MYO10: variants seen among roughly 807,000 people sequenced by gnomAD.
MYO10 encodes the protein myosin X.
A neutral mutation model predicts 257.3 loss-of-function variants in MYO10; 133 were observed. The ratio of observed to expected loss-of-function variants is 0.52; its 90% CI spans 0.45 to 0.60. The LOEUF is 0.60. MYO10 is among the 20% of genes least tolerant of loss of function. The probability of loss-of-function intolerance (pLI) is 0.00; values close to 1 mark genes in which losing one functional copy is unlikely to be tolerated. For synonymous variants in MYO10, 1,104 were observed against 1,028.6 expected (o/e 1.07, Z -1.40); for missense variants, 2,399 against 2,635.7 (o/e 0.91, Z 1.97).
chr5:16,726,149 C>T (rs1210964293), intron 19 of MYO10, among the ~76,000 whole-genome samples: 1 of 152,184 alleles, frequency 6.6e-6, no homozygotes, highest in African/African-American at 2.4e-5. Context: ...AGTGCAGTAG[C>T]ACATCTGCTG....
Position 16,673,664 on chromosome 5 carries a change from G to T in MYO10, c.5172+18C>A. ...GCAAAGGCATCTAACAGAACAAGCA[G>T]CAGCTGCCTCTCCTCACCTCCCCAG... On this transcript the variant is annotated intron_variant, in intron 36 of 40. Transcript: ENST00000513610. 1 of 1,607,280 alleles carries T rather than the reference G, an allele frequency of 6.2e-7. No homozygotes were observed. Among genetic ancestry groups the T allele is most frequent in the Non-Finnish European group, 8.5e-7 (1 of 1,176,276 alleles).
intron 33 of MYO10, 136 bp downstream of exon 33, chr5:16,679,811 C>T: frequency 1.7e-6 from 2 of 1,193,054 alleles, no homozygotes; most frequent in Non-Finnish European, 1.1e-6. Context: ...AGGCGTGAGC[C>T]ACCGTGCCGG....
In MYO10 at chr5:16,679,987, G is replaced by C. The variant is rs1369539897; in HGVS notation, c.4502C>G (p.Pro1501Arg). The change falls in exon 33 of 41, where the codon CCG becomes CGG. Residue 1501 changes from proline to arginine, a missense_variant. By Grantham distance (103) the Pro-to-Arg change is moderately radical. This residue lies in a region of MYO10 where 1,820 missense variants were observed against 1,939.4 expected (regional missense o/e 0.94). Coordinates refer to ENST00000513610, the MANE Select transcript of MYO10 (RefSeq NM_012334.3). ...AIQNVTDTKA[P>R]IDTPTQQLIQ... is the part of the protein sequence containing the mutation. ...CAGCTGCTGGGTGGGGGTGTCGATC[G>C]GGGCCTTGGTGTCAGTCACGTTTTG... The C allele has an allele frequency of 1.2e-6, 2 of 1,613,680 alleles. No individual in the cohort carries two copies. Among genetic ancestry groups the C allele is most frequent in the African/African-American group, 1.3e-5 (1 of 74,890 alleles).
In MYO10 at chr5:16,778,042, G is replaced by A. The variant is rs1170088734; in HGVS notation, c.930+1503C>T. Among the ~76,000 whole-genome samples the A allele has an allele frequency of 3.3e-5, 5 of 151,814 alleles. No homozygotes were observed. The South Asian group carries it at 6.3e-4, about 19-fold the overall frequency. On this transcript the variant is annotated intron_variant, in intron 9 of 40. Coordinates refer to ENST00000513610, the MANE Select transcript of MYO10 (RefSeq NM_012334.3). Reference sequence around the variant, plus strand: ...TTTTTGTGTGTTTTTAGCAGTGACGGGGTTTCACTATGTTGGCCAGGCTGG... The same window carrying A: ...TTTTTGTGTGTTTTTAGCAGTGACGAGGTTTCACTATGTTGGCCAGGCTGG...
At chr5:16,858,902 G>A (rs1744037223) in intron 2 of MYO10, among the ~76,000 whole-genome samples, 1 of 152,160 alleles carries the variant, frequency 6.6e-6, no homozygotes, top group South Asian at 2.1e-4. Flanking sequence ...AGGTGGCAGT[G>A]AGCCGAGAGT....
At chr5:16,761,196 G>A (rs1740703706) in intron 17 of MYO10, among the ~76,000 whole-genome samples, 4 of 152,106 alleles carry the variant, frequency 2.6e-5, no homozygotes, top group South Asian at 2.1e-4. Context: ...TCACTATGTT[G>A]GCCAGGCTGG....
chr5:16,699,635 C>A, intron 25 of MYO10, 62 bp from the exon 26 acceptor site: 1 of 1,601,578 alleles, frequency 6.2e-7, no homozygotes, highest in South Asian at 1.1e-5. Flanking sequence ...CACGAAGATA[C>A]CCAGCATGTA....
intron 13 of MYO10, 47 bp downstream of exon 13, chr5:16,763,608 T>C (rs367556175): frequency 2.0e-5 from 32 of 1,582,150 alleles, no homozygotes; most frequent in Non-Finnish European, 2.8e-5. Flanking sequence ...CGAATCTAGT[T>C]GCTGCTTTAA....
At chr5:16,905,811 C>T (rs184167841) in intron 1 of MYO10, among the ~76,000 whole-genome samples, 2 of 152,254 alleles carry the variant, frequency 1.3e-5, no homozygotes, top group East Asian at 3.9e-4. Flanking sequence ...TGGGTAGCGT[C>T]TTCACACATG....
intron 26 of MYO10, among the ~76,000 whole-genome samples, chr5:16,697,835 G>C (rs1737828047): frequency 6.6e-6 from 1 of 152,142 alleles, no homozygotes; most frequent in Admixed American, 6.5e-5. Context: ...GAGAAAGCAG[G>C]AAGAGGAGAC....
chr5:16,872,922 C>T (rs983224292), intron 2 of MYO10, among the ~76,000 whole-genome samples: 1 of 152,182 alleles, frequency 6.6e-6, no homozygotes, highest in Non-Finnish European at 1.5e-5. Flanking sequence ...CTGGGAGATA[C>T]AATCCAAGTT....
intron 1 of MYO10, among the ~76,000 whole-genome samples, chr5:16,878,229 C>T (rs867213005): frequency 1.3e-5 from 2 of 152,168 alleles, no homozygotes; most frequent in African/African-American, 4.8e-5. Context: ...CACTTGCCCA[C>T]TTGGAGGACA....
At chr5:16,834,344 C>A (rs992751003) in intron 2 of MYO10, among the ~76,000 whole-genome samples, 2 of 152,094 alleles carry the variant, frequency 1.3e-5, no homozygotes, top group Non-Finnish European at 2.9e-5. Flanking sequence ...TCCTGGTGCA[C>A]CGTGATGAGG....
chr5:16,784,845 G>A (rs1161767166), intron 4 of MYO10, among the ~76,000 whole-genome samples: 1 of 152,214 alleles, frequency 6.6e-6, no homozygotes, highest in African/African-American at 2.4e-5. Context: ...AACATGCCGG[G>A]CTGGGTGCAG....
At chr5:16,773,209 G>A (rs1252144037) in intron 9 of MYO10, among the ~76,000 whole-genome samples, 7 of 152,212 alleles carry the variant, frequency 4.6e-5, no homozygotes, top group African/African-American at 1.7e-4. Flanking sequence ...AAAAGCCTAT[G>A]AGAAAATAAT....
chr5:16,913,078 T>C (rs1342250289), intron 1 of MYO10, among the ~76,000 whole-genome samples: 1 of 152,004 alleles, frequency 6.6e-6, no homozygotes, highest in Non-Finnish European at 1.5e-5. Context: ...GTGCCTCCCT[T>C]CTTTTGTGAC....
intron 32 of MYO10, 116 bp downstream of exon 32, chr5:16,681,193 A>G: frequency 8.7e-7 from 1 of 1,152,146 alleles, no homozygotes; most frequent in East Asian, 2.5e-5. Flanking sequence ...AACCAAGAGG[A>G]CAACTTCTTT....
intron 3 of MYO10, among the ~76,000 whole-genome samples, chr5:16,810,408 G>A (rs149580971): frequency 2.6e-4 from 40 of 152,090 alleles, no homozygotes; most frequent in African/African-American, 6.7e-4. Flanking sequence ...ACTGCAACAC[G>A]CCCTCAGCCC....
chr5:16,815,883 T>G (rs1406727461), intron 3 of MYO10, among the ~76,000 whole-genome samples: 3 of 139,506 alleles, frequency 2.2e-5, no homozygotes, highest in African/African-American at 5.2e-5. Context: ...AAACATTACC[T>G]TTTCTGAACA....
Sources: allele counts gnomAD v4.1 joint callset (sites outside exome capture counted in the v4.1 genomes callset), GRCh38; gene constraint gnomAD v4.1.1; regional missense constraint gnomAD v4.1.1; transcripts MANE v1.5; gene names NCBI Gene and HGNC (gene_info 2026-07-23, HGNC 2026-07-21).